Variants in CDH18 observed in about 807,000 individuals in gnomAD.
CDH18 encodes cadherin 18.
A neutral mutation model predicts 67.9 loss-of-function variants in CDH18; 31 were observed. The observed-to-expected ratio is 0.46, with a 90% CI of 0.34 to 0.62. The LOEUF (loss-of-function observed/expected upper bound fraction) is 0.62, where lower values mean the gene tolerates loss of function less well. Ranked by LOEUF, CDH18 falls within the 20% of genes least tolerant of loss-of-function variation. CDH18 has a pLI of 0.01. For missense variants in CDH18, 890 were observed against 975.5 expected, an observed-to-expected ratio of 0.91 and a Z score of 1.17; for synonymous variants, 362 against 347.2, an observed-to-expected ratio of 1.04 and a Z score of -0.48.
chr5:20,266,120 G>A (rs1308579353), intron 1 of CDH18, among the ~76,000 whole-genome samples: 1 of 152,114 alleles, frequency 6.6e-6, no homozygotes, highest in Non-Finnish European at 1.5e-5. Context: ...GGTTTATACC[G>A]GAACAATACC....
chr5:20,216,885 G>A (rs976990420), intron 2 of CDH18, among the ~76,000 whole-genome samples: 2 of 151,876 alleles, frequency 1.3e-5, no homozygotes, highest in Non-Finnish European at 2.9e-5. Flanking sequence ...AAGAGCAAGA[G>A]CAAGGCAAAA....
chr5:20,359,602 GT>G (rs1741927015), intron 1 of CDH18, among the ~76,000 whole-genome samples: 1 of 152,166 alleles, frequency 6.6e-6, no homozygotes. Flanking sequence ...TGGAGTTGAA[GT>G]GTTTTAACCA....
chr5:19,718,895 T>A (rs990593834), intron 5 of CDH18, among the ~76,000 whole-genome samples: 1 of 152,040 alleles, frequency 6.6e-6, no homozygotes, highest in Admixed American at 6.6e-5. Context: ...TGTTGTTTAA[T>A]AAGGTACTCA....
chr5:20,536,997 A>G (rs766998137), intron 1 of CDH18, among the ~76,000 whole-genome samples: 2 of 152,050 alleles, frequency 1.3e-5, no homozygotes, highest in African/African-American at 4.8e-5. Context: ...GTCATATTCT[A>G]TGTGGGAGGG....
Position 20,528,326 on chromosome 5 carries a change from T to G in CDH18, c.-580+47136A>C, listed in dbSNP as rs1445324283. Among the ~76,000 whole-genome samples the G allele has an allele frequency of 3.3e-5, 5 of 152,146 alleles. No individual in the cohort carries two copies. The East Asian group carries it at 9.7e-4, about 29-fold the overall frequency. On this transcript the variant is annotated intron_variant, in intron 1 of 14. Coordinates refer to the CDH18 transcript ENST00000507958. The stretch of plus-strand genomic sequence containing the variant: ...AGTGGGAGATTTTAATACCCCACTG[T>G]TAGTATTAGACAGATCATTTAGACA...
intron 7 of CDH18, among the ~76,000 whole-genome samples, chr5:19,577,745 G>T (rs1367313749): frequency 6.6e-6 from 1 of 152,204 alleles, no homozygotes; most frequent in Non-Finnish European, 1.5e-5. Flanking sequence ...GTACACATGG[G>T]AAGGACATGG....
At chr5:19,715,782 A>T (rs1425613801) in intron 5 of CDH18, among the ~76,000 whole-genome samples, 3 of 151,724 alleles carry the variant, frequency 2.0e-5, no homozygotes, top group Admixed American at 2.0e-4. Flanking sequence ...TAATCATTCA[A>T]AATGTAGTAA....
chr5:19,927,599 T>C (rs1434230532), intron 2 of CDH18, among the ~76,000 whole-genome samples: 1 of 152,170 alleles, frequency 6.6e-6, no homozygotes, highest in Non-Finnish European at 1.5e-5. Context: ...ATATAAATTA[T>C]TATGATGTAT....
chr5:19,500,995 T>C (rs911001470), intron 11 of CDH18, among the ~76,000 whole-genome samples: 6 of 150,110 alleles, frequency 4.0e-5, no homozygotes, highest in Non-Finnish European at 5.9e-5. Context: ...TTGCCAGGCG[T>C]GGTGGTGGGC....
chr5:19,937,874 T>C (rs1794440675), intron 2 of CDH18, among the ~76,000 whole-genome samples: 1 of 150,624 alleles, frequency 6.6e-6, no homozygotes, highest in Non-Finnish European at 1.5e-5. Context: ...GCTTGTAACA[T>C]TGAGAAAGGA....
chr5:20,309,671 G>A lies in CDH18; in HGVS notation c.-579-54166C>T, dbSNP rs79895870. Among the ~76,000 whole-genome samples, 976 of 152,202 alleles carry A rather than the reference G, an allele frequency of 6.4e-3. 17 individuals carry two copies. The highest frequency in any genetic ancestry group is 0.022 in the African/African-American group (919 of 41,542). On this transcript the variant is annotated intron_variant, in intron 1 of 14. Coordinates refer to the CDH18 transcript ENST00000507958. The stretch of plus-strand genomic sequence containing the variant: ...TAATGGACATGTGACAGATTTTAGC[G>A]GAGCATAAATATCTCCAGCCATTTT...
chr5:19,884,272 A>G (rs1787963569), intron 2 of CDH18, among the ~76,000 whole-genome samples: 1 of 152,152 alleles, frequency 6.6e-6, no homozygotes, highest in African/African-American at 2.4e-5. Flanking sequence ...GTTTTCACTA[A>G]AACTTTGATG....
At chr5:20,093,028 A>C (rs1745579181) in intron 2 of CDH18, among the ~76,000 whole-genome samples, 1 of 152,142 alleles carries the variant, frequency 6.6e-6, no homozygotes, top group Non-Finnish European at 1.5e-5. Context: ...GCATAACATA[A>C]AATTTATAAT....
At chr5:20,388,946 T>C (rs1744573451) in intron 1 of CDH18, among the ~76,000 whole-genome samples, 3 of 152,276 alleles carry the variant, frequency 2.0e-5, no homozygotes, top group South Asian at 4.1e-4. Context: ...TTTTTTCACA[T>C]TTGCTGAGGA....
At chr5:20,150,760 A>G (rs1751034526) in intron 2 of CDH18, among the ~76,000 whole-genome samples, 1 of 152,080 alleles carries the variant, frequency 6.6e-6, no homozygotes, top group East Asian at 1.9e-4. Context: ...GAGACTCTTA[A>G]CTACAAGATT....
At chr5:19,583,992 A>G (rs1743692470) in intron 7 of CDH18, among the ~76,000 whole-genome samples, 1 of 152,180 alleles carries the variant, frequency 6.6e-6, no homozygotes, top group African/African-American at 2.4e-5. Flanking sequence ...GAAAATCAGA[A>G]GGCCAAATAG....
At chr5:20,110,370 G>A (rs996535072) in intron 2 of CDH18, among the ~76,000 whole-genome samples, 1 of 152,112 alleles carries the variant, frequency 6.6e-6, no homozygotes, top group Non-Finnish European at 1.5e-5. Context: ...ATTATTACAT[G>A]TCAGCCACAT....
At chr5:20,491,797 A>G (rs1753602945) in intron 1 of CDH18, among the ~76,000 whole-genome samples, 1 of 152,188 alleles carries the variant, frequency 6.6e-6, no homozygotes, top group African/African-American at 2.4e-5. Flanking sequence ...ATTCAGAATT[A>G]TGTTTGACCA....
At chr5:20,444,136 T>C (rs1196401356) in intron 1 of CDH18, among the ~76,000 whole-genome samples, 1 of 152,102 alleles carries the variant, frequency 6.6e-6, no homozygotes, top group Non-Finnish European at 1.5e-5. Context: ...GAATTTCTAG[T>C]TGTATTATAG....
Sources: gnomAD v4.1 joint callset for allele counts (sites outside exome capture counted in the v4.1 genomes callset) on GRCh38, gnomAD v4.1.1 for gene constraint, MANE v1.5 for transcripts, NCBI Gene and HGNC (gene_info 2026-07-23, HGNC 2026-07-21) for gene names.